WDFY4: variants seen among roughly 807,000 people sequenced by gnomAD.
WDFY4 encodes WDFY family member 4, also known as WD repeat- and FYVE domain-containing protein 4.
A neutral mutation model predicts 351.9 loss-of-function variants in WDFY4; 169 were observed. That is an observed-to-expected ratio of 0.48 (90% CI 0.42 to 0.55). WDFY4 has a LOEUF of 0.55. Ranked by LOEUF, WDFY4 falls within the 20% of genes least tolerant of loss-of-function variation. The pLI, the probability that WDFY4 is intolerant of heterozygous loss-of-function variation, is 0.00. For missense variants in WDFY4, 3,803 were observed against 3,935.6 expected (o/e 0.97, Z 0.90); for synonymous variants, 1,622 against 1,574.6 (o/e 1.03, Z -0.71).
rs1397814287 is a variant in WDFY4 at position 48,727,757 on chromosome 10, A to G, written c.971+98A>G. 9.9e-6 allele frequency: 14 copies of G among 1,418,574 alleles called. No homozygotes were observed. The East Asian group carries it at 2.7e-4, about 28-fold the overall frequency. 87.9% of individuals were successfully genotyped at this position (1,418,574 alleles called of 1,614,324 possible). On this transcript the variant is annotated intron_variant, in intron 7 of 61. Transcript: ENST00000325239. ...TTTGCAGAAAAATAGATATAGCTCC[A>G]TAGAACATGGCCAGAGAGACCTCTT... is the stretch of plus-strand genomic sequence containing the variant.
At chr10:48,854,822 G>T (rs2069081233) in intron 39 of WDFY4, among the ~76,000 whole-genome samples, 1 of 152,186 alleles carries the variant, frequency 6.6e-6, no homozygotes, top group South Asian at 2.1e-4. Flanking sequence ...TCTGCTGCAA[G>T]ATACCCCATT....
chr10:48,735,801 C>A, intron 10 of WDFY4, 79 bp from the exon 11 acceptor site: 1 of 1,344,078 alleles, frequency 7.4e-7, no homozygotes, highest in South Asian at 1.5e-5. Context: ...AATTATAAGA[C>A]AAAGCTTTTC....
rs546261583 is a variant in WDFY4 at position 48,826,132 on chromosome 10, A to T, written c.5983-539A>T. 6.9e-3 allele frequency among the ~76,000 whole-genome samples: 1,057 copies of T among 152,322 alleles called. 11 individuals carry two copies. Among genetic ancestry groups the T allele is most frequent in the Non-Finnish European group, 9.5e-3 (649 of 68,038 alleles). On this transcript the variant is annotated intron_variant, in intron 35 of 61. Transcript: ENST00000325239. ...TAATCCATCTTGAGTTAATTTTCAT[A>T]TAAGGTATAACGAAGGGGTCCAGTT...
At position 48,946,934 on chromosome 10, in the gene WDFY4, A is replaced by T; in HGVS notation, c.7942A>T (p.Met2648Leu). The T allele has an allele frequency of 2.6e-6, 4 of 1,551,622 alleles. No individual in the cohort carries two copies. In the South Asian group the frequency reaches 4.8e-5, roughly 18 times the overall value. ...AIIVASYLVR[M>L]PPFTQAFCAL... ...CATCGTGGCCTCCTACCTGGTCCGG[A>T]TGCCACCCTTCACCCAGGCCTTCTG... Residue 2648 changes from methionine to leucine, a missense_variant, in exon 51 of 62, where the codon ATG becomes TTG. Transcript: ENST00000325239.
At chr10:48,879,082 T>C (rs913456884) in intron 43 of WDFY4, among the ~76,000 whole-genome samples, 3 of 152,220 alleles carry the variant, frequency 2.0e-5, no homozygotes, top group Non-Finnish European at 4.4e-5. Context: ...TATATTAATA[T>C]GCTCATATAG....
At chr10:48,732,170 G>C (rs1291719454) in intron 9 of WDFY4, among the ~76,000 whole-genome samples, 1 of 152,160 alleles carries the variant, frequency 6.6e-6, no homozygotes, top group Admixed American at 6.5e-5. Flanking sequence ...GAGGGTGCTT[G>C]GTGGCTCAGG....
Position 48,774,524 on chromosome 10 carries a change from C to A in WDFY4, c.2620C>A (p.Arg874Ser). 1 of 1,551,720 alleles carries A rather than the reference C, an allele frequency of 6.4e-7. No homozygotes were observed. The highest frequency in any genetic ancestry group is 1.2e-5 in the South Asian group (1 of 84,062). ...IQSLVKSEKNRQVMCEAGLLG... is the reference protein window; with the variant it reads ...IQSLVKSEKNSQVMCEAGLLG... ...GTCCCTGGTGAAGTCGGAGAAGAAC[C>A]GCCAGGTCATGTGCGAAGCAGGCTT... The change falls in exon 14 of 62, where the codon CGC becomes AGC. Residue 874 changes from arginine to serine, a missense_variant. This residue lies in a region of WDFY4 where 3,054 missense variants were observed against 3,148.6 expected (regional missense o/e 0.97). Transcript: ENST00000325239.
chr10:48,729,842 G>A (rs1476281333), intron 8 of WDFY4, among the ~76,000 whole-genome samples: 1 of 152,190 alleles, frequency 6.6e-6, no homozygotes, highest in African/African-American at 2.4e-5. Context: ...GATTTACTCT[G>A]CAACATTTGC....
intron 35 of WDFY4, chr10:48,823,661 T>G: frequency 2.0e-6 from 2 of 1,005,118 alleles, no homozygotes; most frequent in Non-Finnish European, 2.4e-6. Context: ...AGTTGTGTTG[T>G]AAATGGAAAG....
chr10:48,881,763 TCTC>T (rs2070257675), intron 43 of WDFY4, among the ~76,000 whole-genome samples: 1 of 151,888 alleles, frequency 6.6e-6, no homozygotes, highest in Non-Finnish European at 1.5e-5. Flanking sequence ...GCCTGGCACT[TCTC>T]CTCCCCCTCA....
chr10:48,808,111 C>T (rs1308299446), intron 28 of WDFY4, among the ~76,000 whole-genome samples, 153 bp downstream of exon 28: 1 of 152,222 alleles, frequency 6.6e-6, no homozygotes, highest in African/African-American at 2.4e-5. Context: ...ATTCTCTCTA[C>T]CCAATGAACC....
chr10:48,845,958 C>T (rs1000045285), intron 39 of WDFY4, among the ~76,000 whole-genome samples: 2 of 152,304 alleles, frequency 1.3e-5, no homozygotes, highest in African/African-American at 4.8e-5. Flanking sequence ...GAGCCAGGTC[C>T]AGGGCTGGAG....
At chr10:48,877,767 C>G (rs564146260) in intron 43 of WDFY4, among the ~76,000 whole-genome samples, 21 of 152,060 alleles carry the variant, frequency 1.4e-4, no homozygotes, top group Admixed American at 8.5e-4. Flanking sequence ...AGGCTGGGGA[C>G]CAGGTGGCAG....
chr10:48,833,077 G>A (rs1788534721), intron 39 of WDFY4, among the ~76,000 whole-genome samples: 1 of 151,844 alleles, frequency 6.6e-6, no homozygotes. Flanking sequence ...GACCCGTTGG[G>A]ATTTTCTAAT....
chr10:48,768,694 C>T (rs1012914201), intron 13 of WDFY4, among the ~76,000 whole-genome samples: 1 of 143,850 alleles, frequency 7.0e-6, no homozygotes, highest in African/African-American at 2.6e-5. Context: ...CGAGCAGCCA[C>T]CCACGGTGTT....
chr10:48,842,701 C>G (rs1034968074), intron 39 of WDFY4, among the ~76,000 whole-genome samples: 1 of 152,164 alleles, frequency 6.6e-6, no homozygotes, highest in Non-Finnish European at 1.5e-5. Flanking sequence ...TGTTCTTAAA[C>G]CTTATCTTAA....
chr10:48,690,184 G>C (rs1338081589), intron 1 of WDFY4, among the ~76,000 whole-genome samples: 1 of 152,220 alleles, frequency 6.6e-6, no homozygotes, highest in Non-Finnish European at 1.5e-5. Context: ...CATGACAGCA[G>C]TGGAGACAAT....
At position 48,867,348 on chromosome 10, in the gene WDFY4, A is replaced by T; in HGVS notation, c.6741+6A>T. On this transcript the variant is annotated splice_donor_region_variant and intron_variant, in intron 40 of 61. Transcript: ENST00000325239. ...TATACAAAGACCATGTGCAAGTAAGAAACAAAACATAGGCTTTCTCTATAC... is the reference window on the plus strand; with the variant it reads ...TATACAAAGACCATGTGCAAGTAAGTAACAAAACATAGGCTTTCTCTATAC... The T allele has an allele frequency of 6.8e-7, 1 of 1,478,482 alleles. No homozygotes were observed. Among genetic ancestry groups the T allele is most frequent in the Non-Finnish European group, 9.0e-7 (1 of 1,109,164 alleles). The allele number at this position is 1,478,482 out of a possible 1,614,324, so 91.6% of individuals were successfully genotyped here.
At chr10:48,726,405 T>C (rs2064269358) in intron 6 of WDFY4, among the ~76,000 whole-genome samples, 1 of 152,268 alleles carries the variant, frequency 6.6e-6, no homozygotes, top group African/African-American at 2.4e-5. Context: ...GAGATAGCTA[T>C]TAATGCCATT....
Sources: allele counts gnomAD v4.1 joint callset (sites outside exome capture counted in the v4.1 genomes callset), GRCh38; gene constraint gnomAD v4.1.1; regional missense constraint gnomAD v4.1.1; transcripts MANE v1.5; gene names NCBI Gene and HGNC (gene_info 2026-07-23, HGNC 2026-07-21).